The following MYL2 variants were observed in gnomAD, a reference collection of about 807,000 sequenced individuals.
MYL2 encodes the protein myosin light chain 2.
In MYL2, 19 loss-of-function variants were observed where a neutral mutation model predicts 23.0. The observed-to-expected ratio is 0.83, with a 90% CI of 0.58 to 1.21. The LOEUF (loss-of-function observed/expected upper bound fraction) is 1.21. Ranked by LOEUF, MYL2 falls within the 50% of genes most tolerant of loss-of-function variation. MYL2 has a pLI of 0.00. For synonymous variants in MYL2, 78 were observed against 76.2 expected (o/e 1.02, Z -0.13); for missense variants, 180 against 215.1 (o/e 0.84, Z 1.02).
At chr12:110,917,457 A>G (rs1462760685) in intron 2 of MYL2, among the ~76,000 whole-genome samples, 1 of 151,796 alleles carries the variant, frequency 6.6e-6, no homozygotes, top group South Asian at 2.1e-4. Flanking sequence ...TTAGCCAGGC[A>G]TGGTGGTGAG....
rs2071663349 is a variant in MYL2, at chr12:110,912,977, G to A, written c.402+119C>T. 2.0e-5 allele frequency: 23 copies of A among 1,139,220 alleles called. No individual in the cohort carries two copies. In the East Asian group the frequency reaches 4.0e-4, roughly 20 times the overall value. The allele number at this position is 1,139,220 out of a possible 1,614,324, so 70.6% of individuals were successfully genotyped here. On this transcript the variant is annotated intron_variant, in intron 6 of 6. Transcript: ENST00000228841. ...GAAATGAGGCCAGGCCTCAGAAGACGATAGCTGGTTCTCTGTCAGTGTGGG... is the reference window on the plus strand; with the variant it reads ...GAAATGAGGCCAGGCCTCAGAAGACAATAGCTGGTTCTCTGTCAGTGTGGG...
chr12:110,914,553 G>C (rs35530257), intron 3 of MYL2, among the ~76,000 whole-genome samples: 2 of 152,168 alleles, frequency 1.3e-5, no homozygotes, highest in African/African-American at 4.8e-5. Context: ...GGGTCTGGCT[G>C]TGTCACCCAG....
chr12:110,921,342 C>T (rs2071726537), upstream of MYL2, among the ~76,000 whole-genome samples: 1 of 152,216 alleles, frequency 6.6e-6, no homozygotes, highest in African/African-American at 2.4e-5. Context: ...GCCTGGGTGA[C>T]AGAGCAAGAC....
chr12:110,920,591 G>T (rs1251308670), upstream of MYL2: 12 of 1,613,026 alleles, frequency 7.4e-6, no homozygotes, highest in South Asian at 1.2e-4. Flanking sequence ...GCTCTCTGCA[G>T]CCCAGGAACA....
intron 4 of MYL2, 110 bp downstream of exon 4, chr12:110,914,075 AT>A (rs1033281586): frequency 8.9e-6 from 8 of 898,910 alleles, no homozygotes; most frequent in African/African-American, 1.7e-5. Flanking sequence ...TGTTTTCATT[AT>A]TTTTTTCCAA....
upstream of MYL2, among the ~76,000 whole-genome samples, chr12:110,921,203 G>GA (rs34565234): frequency 4.1e-3 from 624 of 151,118 alleles, 2 homozygotes; most frequent in Non-Finnish European, 5.9e-3. Context: ...CTACGCAAAA[G>GA]AAAAAAAAAT....
chr12:110,919,233 G>A lies in MYL2; in HGVS notation c.4-40C>T, dbSNP rs773565112. On this transcript the variant is annotated intron_variant, in intron 1 of 6. Coordinates refer to ENST00000228841, the MANE Select transcript of MYL2 (RefSeq NM_000432.4). ...CATCGATTAAAAGAGTGAGAGGCTG[G>A]GAGTCAAAAAACTAGGTCAGGCCCC... is the stretch of plus-strand genomic sequence containing the variant. 4.4e-6 allele frequency: 7 copies of A among 1,583,190 alleles called. No individual in the cohort carries two copies. The South Asian group carries it at 6.7e-5, about 15-fold the overall frequency.
chr12:110,920,756 A>C, upstream of MYL2: 1 of 631,732 alleles, frequency 1.6e-6, no homozygotes, highest in Non-Finnish European at 2.8e-6. Flanking sequence ...GCCCCCAAAA[A>C]GGCATTCAAG....
upstream of MYL2, among the ~76,000 whole-genome samples, chr12:110,921,312 G>A (rs1039601274): frequency 3.9e-5 from 6 of 152,178 alleles, no homozygotes; most frequent in African/African-American, 1.2e-4. Flanking sequence ...GGTGAGCCAC[G>A]ATCACACCAC....
At chr12:110,914,459 A>T in intron 3 of MYL2, 169 bp from the exon 4 acceptor site, 2 of 648,528 alleles carry the variant, frequency 3.1e-6, no homozygotes, top group Non-Finnish European at 2.8e-6. Flanking sequence ...TGACAGTGTT[A>T]TTTATAATAA....
chr12:110,913,074 A>T (rs202006817), intron 6 of MYL2, 22 bp downstream of exon 6: 94 of 1,613,868 alleles, frequency 5.8e-5, no homozygotes, highest in Non-Finnish European at 7.6e-5. Context: ...GGTTAGAGGG[A>T]GTGCTTGAAG....
rs1060499882 is a variant in MYL2, at chr12:110,919,193, C to A, written c.4G>T (p.Ala2Ser). ...GCTCTCTTCTTTGCTTTCTTAGGTG[C>A]CTGGGGGAAAAAAGCATCGATTAAA... The part of the protein sequence containing the change: M[A>S]PKKAKKRAGG... The change falls in exon 2 of 7, where the codon GCA becomes TCA. Residue 2 changes from alanine (A) to serine (S), a missense_variant and splice_region_variant. Ala to Ser is a moderately conservative substitution (Grantham distance 99). Coordinates refer to ENST00000228841, the MANE Select transcript of MYL2 (RefSeq NM_000432.4). 4.3e-6 allele frequency: 7 copies of A among 1,612,594 alleles called. No homozygotes were observed. Among genetic ancestry groups the A allele is most frequent in the South Asian group, 2.2e-5 (2 of 90,910 alleles).
At chr12:110,919,052 C>T (rs1202347518) in intron 2 of MYL2, 52 bp downstream of exon 2, 1 of 1,543,892 alleles carries the variant, frequency 6.5e-7, no homozygotes. Flanking sequence ...AGAAGGTTCT[C>T]CCTCGTGGGT....
rs980826595 is a variant in MYL2 at position 110,918,605 on chromosome 12, G to T, written c.93+499C>A. 2.0e-5 allele frequency among the ~76,000 whole-genome samples: 3 copies of T among 152,046 alleles called. No individual in the cohort carries two copies. Among genetic ancestry groups the T allele is most frequent in the Non-Finnish European group, 4.4e-5 (3 of 68,012 alleles). ...TAACCAGAGATACAAGCAAAGAGGT[G>T]TTATTTATAGTAGTAAAACATTATA... is the stretch of plus-strand genomic sequence containing the variant. On this transcript the variant is annotated intron_variant, in intron 2 of 6. Transcript: ENST00000228841. The surrounding 1 kb of genome is among the most constrained non-coding windows in gnomAD (Gnocchi z 4.4).
chr12:110,920,616 C>T (rs2071716981), upstream of MYL2: 2 of 1,603,548 alleles, frequency 1.2e-6, no homozygotes, highest in East Asian at 2.2e-5. Context: ...ATACTTCCTC[C>T]CCATGTTTAA....
At chr12:110,916,100 C>CCTA (rs910318385) in intron 2 of MYL2, among the ~76,000 whole-genome samples, 5 of 152,210 alleles carry the variant, frequency 3.3e-5, no homozygotes, top group African/African-American at 1.2e-4. Flanking sequence ...CTTTGGGAGG[C>CCTA]CTAGGCCCGT....
At chr12:110,912,516 G>A (rs1270217759) in intron 6 of MYL2, among the ~76,000 whole-genome samples, 6 of 152,206 alleles carry the variant, frequency 3.9e-5, no homozygotes, top group Admixed American at 3.9e-4. Flanking sequence ...CAGTCACGCA[G>A]ACCTAGGTTT....
At chr12:110,921,030 T>C (rs2301359), upstream of MYL2, among the ~76,000 whole-genome samples, 63 of 152,278 alleles carry the variant, frequency 4.1e-4, no homozygotes, top group East Asian at 0.011. Flanking sequence ...TCATATGTCA[T>C]CTCCTGAGTG....
chr12:110,911,894 AG>A (rs1255062538), intron 6 of MYL2, among the ~76,000 whole-genome samples: 1 of 152,250 alleles, frequency 6.6e-6, no homozygotes, highest in Non-Finnish European at 1.5e-5. Flanking sequence ...ATTCATAGCT[AG>A]CACTTATATT....
Sources: allele counts gnomAD v4.1 joint callset (sites outside exome capture counted in the v4.1 genomes callset), GRCh38; gene constraint gnomAD v4.1.1; non-coding constraint Gnocchi (gnomAD v3.1); transcripts MANE v1.5; gene names NCBI Gene and HGNC (gene_info 2026-07-23, HGNC 2026-07-21).